ARHGAP6: variants seen among roughly 807,000 people sequenced by gnomAD.
ARHGAP6 encodes Rho GTPase activating protein 6.
ARHGAP6 carries 16 observed loss-of-function variants against 55.7 expected under a neutral mutation model. That is an observed-to-expected ratio of 0.29 (90% CI 0.19 to 0.44). The LOEUF (loss-of-function observed/expected upper bound fraction) is 0.44. Ranked by LOEUF, ARHGAP6 falls within the 20% of genes least tolerant of loss-of-function variation. ARHGAP6 has a pLI of 1.00. For missense variants in ARHGAP6, 698 were observed against 808.9 expected, an observed-to-expected ratio of 0.86 and a Z score of 1.66; for synonymous variants, 382 against 360.9, an observed-to-expected ratio of 1.06 and a Z score of -0.66.
intron 1 of ARHGAP6, among the ~76,000 whole-genome samples, chrX:11,546,592 C>T (rs775406415): frequency 3.6e-5 from 4 of 111,699 alleles, no homozygotes; most frequent in Non-Finnish European, 7.5e-5. Context: ...TTGTCTTCTA[C>T]AATCACTCTT....
At chrX:11,574,402 G>A (rs1263228982) in intron 1 of ARHGAP6, among the ~76,000 whole-genome samples, 3 of 108,893 alleles carry the variant, frequency 2.8e-5, no homozygotes, top group Non-Finnish European at 5.8e-5. Flanking sequence ...TCATCCCTGG[G>A]ATGCAAGGCT....
intron 1 of ARHGAP6, among the ~76,000 whole-genome samples, chrX:11,279,851 G>A (rs1177966201): frequency 9.0e-6 from 1 of 111,394 alleles, no homozygotes; most frequent in African/African-American, 3.3e-5. Context: ...AGAGAACTTA[G>A]GTACTTTGTC....
rs771657017 is a variant in ARHGAP6, at chrX:11,385,834, T to TA, written c.589-131128dup. 1.2e-4 allele frequency among the ~76,000 whole-genome samples: 14 copies of TA among 112,007 alleles called. No homozygotes were observed. In the East Asian group the frequency reaches 1.7e-3, roughly 13 times the overall value. ...TTTTTAAACATTAATGCAAAAATGA[T>TA]AAAAAAATGAGATATATAAATTGGG... is the stretch of plus-strand genomic sequence containing the variant. On this transcript the variant is annotated intron_variant, in intron 1 of 12. Transcript: ENST00000337414.
chrX:11,142,336 G>C, intron 11 of ARHGAP6, 23 bp from the exon 12 acceptor site: 1 of 1,071,924 alleles, frequency 9.3e-7, no homozygotes, highest in Non-Finnish European at 1.3e-6. Context: ...TGTATAAAAA[G>C]GTATATAACA....
intron 1 of ARHGAP6, among the ~76,000 whole-genome samples, chrX:11,415,154 T>C (rs1472571289): frequency 8.9e-6 from 1 of 112,423 alleles, no homozygotes; most frequent in Non-Finnish European, 1.9e-5. Flanking sequence ...AATTGTCAAT[T>C]AAAAATAAAT....
rs374089942 is a variant in ARHGAP6, at chrX:11,627,156, A to G, written c.588+37085T>C. ...AGTTTTAAAATATTGCTAATAACAT[A>G]TAATATTACTTTAGTAAATGGAGAG... On this transcript the variant is annotated intron_variant, in intron 1 of 12. Coordinates refer to ENST00000337414, the MANE Select transcript of ARHGAP6 (RefSeq NM_013427.3). Among the ~76,000 whole-genome samples, 6 of 112,164 alleles carry G rather than the reference A, an allele frequency of 5.3e-5. No homozygotes were observed. The East Asian group carries it at 1.4e-3, about 26-fold the overall frequency.
rs1455965331 is a variant in ARHGAP6 at position 11,665,139 on chromosome X, C to A, written c.-311G>T. On this transcript the variant is annotated 5_prime_UTR_variant, in exon 1 of 13. Transcript: ENST00000337414. ...CAGGAAGAGGAGGAGGAAGGTCAGG[C>A]GCTCGCTGGGTTCCCAGCTCCAGCC... is the stretch of plus-strand genomic sequence containing the variant. 2 of 229,017 alleles carry A rather than the reference C, an allele frequency of 8.7e-6. No individual in the cohort carries two copies. Among genetic ancestry groups the A allele is most frequent in the Non-Finnish European group, 1.6e-5 (2 of 127,894 alleles). 18.9% of individuals were successfully genotyped at this position (229,017 alleles called of 1,213,427 possible). A position where few individuals can be genotyped will look rare whatever the true frequency, so the allele number is the denominator to read the frequency against.
At chrX:11,440,283 T>C (rs1011360520) in intron 1 of ARHGAP6, among the ~76,000 whole-genome samples, 1 of 112,426 alleles carries the variant, frequency 8.9e-6, no homozygotes, top group African/African-American at 3.2e-5. Flanking sequence ...TAGATAAATA[T>C]GTGTGTACAT....
At position 11,138,436 on chromosome X, in the gene ARHGAP6, TAAGTG is replaced by T. The variant is rs751493145; in HGVS notation, c.*422_*426del. The T allele has an allele frequency of 4.5e-3, 607 of 135,396 alleles. 4 individuals are homozygous for T. Among genetic ancestry groups the T allele is most frequent in the African/African-American group, 0.018 (571 of 31,039 alleles). The allele number at this position is 135,396 out of a possible 1,213,427, so 11.2% of individuals were successfully genotyped here. A position where few individuals can be genotyped will look rare whatever the true frequency, so the allele number is the denominator to read the frequency against. On this transcript the variant is annotated 3_prime_UTR_variant, in exon 13 of 13. Transcript: ENST00000337414. ...GTTTAGTATATCTCATTGCTTAATA[TAAGTG>T]AAGTGATTTTTTTTTTAAAAGTTCC... is the stretch of plus-strand genomic sequence containing the variant.
chrX:11,270,488 G>T (rs1046670494), intron 1 of ARHGAP6, among the ~76,000 whole-genome samples: 7 of 111,731 alleles, frequency 6.3e-5, no homozygotes, highest in African/African-American at 2.3e-4. Context: ...ATAAGGAGAG[G>T]GACAGGTATT....
intron 1 of ARHGAP6, among the ~76,000 whole-genome samples, chrX:11,490,024 G>A (rs2050551355): frequency 9.0e-6 from 1 of 111,329 alleles, no homozygotes. Flanking sequence ...ATGGAAACAA[G>A]GTAGTGAGTT....
At chrX:11,515,821 C>T (rs1047080805) in intron 1 of ARHGAP6, among the ~76,000 whole-genome samples, 1 of 112,295 alleles carries the variant, frequency 8.9e-6, no homozygotes, top group Non-Finnish European at 1.9e-5. Flanking sequence ...TATCTCAAAA[C>T]CTCACATGAT....
At chrX:11,579,047 G>A (rs1308568990) in intron 1 of ARHGAP6, among the ~76,000 whole-genome samples, 17 of 104,793 alleles carry the variant, frequency 1.6e-4, no homozygotes, top group African/African-American at 5.2e-4. Context: ...GGGGGATGGG[G>A]GGATGGGGGA....
intron 1 of ARHGAP6, among the ~76,000 whole-genome samples, chrX:11,449,049 C>G (rs1461245738): frequency 9.0e-6 from 1 of 111,273 alleles, no homozygotes; most frequent in Non-Finnish European, 1.9e-5. Context: ...CAGCTGGGAA[C>G]AAGATGTTGT....
At chrX:11,588,225 G>A (rs1479711197) in intron 1 of ARHGAP6, among the ~76,000 whole-genome samples, 3 of 111,571 alleles carry the variant, frequency 2.7e-5, no homozygotes, top group Non-Finnish European at 5.6e-5. Flanking sequence ...AGTAATACAG[G>A]TTTATCTTAT....
At chrX:11,545,665 GACA>G (rs1272920092) in intron 1 of ARHGAP6, among the ~76,000 whole-genome samples, 14 of 111,563 alleles carry the variant, frequency 1.3e-4, no homozygotes, top group Admixed American at 7.7e-4. Flanking sequence ...TCTCTAAAAT[GACA>G]ACAAGAGAGT....
At chrX:11,562,138 G>C (rs946640720) in intron 1 of ARHGAP6, among the ~76,000 whole-genome samples, 3 of 112,007 alleles carry the variant, frequency 2.7e-5, no homozygotes, top group African/African-American at 9.8e-5. Context: ...ATTATGAAGG[G>C]ACTAGGCCAG....
At chrX:11,182,635 CTT>C (rs1043810466) in intron 5 of ARHGAP6, among the ~76,000 whole-genome samples, 4 of 83,120 alleles carry the variant, frequency 4.8e-5, no homozygotes, top group East Asian at 3.7e-4. Context: ...TTCCTTTTTT[CTT>C]TTTTTTTTTT....
At chrX:11,471,283 C>G (rs1025491859) in intron 1 of ARHGAP6, among the ~76,000 whole-genome samples, 111 of 111,471 alleles carry the variant, frequency 1.0e-3, no homozygotes, top group African/African-American at 3.5e-3. Context: ...GTAACAAAAG[C>G]CTTTCACACT....
Sources: gnomAD v4.1 joint callset for allele counts (sites outside exome capture counted in the v4.1 genomes callset) on GRCh38, gnomAD v4.1.1 for gene constraint, MANE v1.5 for transcripts, NCBI Gene and HGNC (gene_info 2026-07-23, HGNC 2026-07-21) for gene names.